TPPP: variants seen among roughly 807,000 people sequenced by gnomAD.
TPPP encodes tubulin polymerization promoting protein.
TPPP carries 6 observed loss-of-function variants against 15.5 expected under a neutral mutation model. The observed-to-expected ratio is 0.39, with a 90% CI of 0.21 to 0.77. TPPP has a LOEUF of 0.77. Ranked by LOEUF, TPPP falls within the 30% of genes least tolerant of loss-of-function variation. TPPP has a pLI of 0.42. For missense variants in TPPP, 269 were observed against 307.2 expected, an observed-to-expected ratio of 0.88 and a Z score of 0.93; for synonymous variants, 146 against 133.9, an observed-to-expected ratio of 1.09 and a Z score of -0.63.
chr5:682,917 C>T (rs149851820), intron 1 of TPPP, among the ~76,000 whole-genome samples: 1,696 of 152,224 alleles, frequency 0.011, 15 homozygotes, highest in South Asian at 0.039. Context: ...TGGGAGCTAC[C>T]ACCCCTCAGC....
rs1201662379 is a variant in TPPP at position 666,017 on chromosome 5, C to G, written c.418G>C (p.Val140Leu). 1.2e-6 allele frequency: 2 copies of G among 1,608,860 alleles called. No homozygotes were observed. The highest frequency in any genetic ancestry group is 1.3e-5 in the African/African-American group (1 of 74,198). Residue 140 changes from valine to leucine, a missense_variant, in exon 3 of 4, where the codon GTG (valine) becomes CTG (leucine). Val to Leu is a conservative substitution (Grantham distance 32, BLOSUM62 1). Transcript: ENST00000360578. ...GCCTTGCCCTCGATGAGCCTGTGCA[C>G]CTCGCGAACGGCCTCCTCGCTGCTC... ...DKSSEEAVREVHRLIEGKAPI... is the reference protein window; with the variant it reads ...DKSSEEAVRELHRLIEGKAPI...
chr5:685,719 T>G (rs1020944008), intron 1 of TPPP, among the ~76,000 whole-genome samples: 2 of 152,052 alleles, frequency 1.3e-5, no homozygotes, highest in African/African-American at 4.8e-5. Flanking sequence ...ATCTGCAGAG[T>G]GTGGTCCTTG....
intron 2 of TPPP, among the ~76,000 whole-genome samples, chr5:675,323 CGGGGGT>C (rs1740380668): frequency 5.1e-5 from 2 of 39,008 alleles, no homozygotes; most frequent in African/African-American, 1.1e-4. Flanking sequence ...ACAGTGTGGC[CGGGGGT>C]GCAGTGTGGC....
chr5:696,866 GTGTCTATT>G (rs1741021578), upstream of TPPP, among the ~76,000 whole-genome samples: 2 of 100,448 alleles, frequency 2.0e-5, no homozygotes, highest in African/African-American at 6.5e-5. Context: ...AGCTGTGTGT[GTGTCTATT>G]TGTGTGTCTC....
chr5:681,265 G>T (rs1740613335), intron 1 of TPPP, among the ~76,000 whole-genome samples: 1 of 152,308 alleles, frequency 6.6e-6, no homozygotes, highest in Middle Eastern at 3.4e-3. Flanking sequence ...CACCGTGAGG[G>T]AAAAGAAGGT....
upstream of TPPP, among the ~76,000 whole-genome samples, chr5:697,006 G>A (rs56056247): frequency 0.58 from 67,846 of 116,242 alleles, 16,316 homozygotes; most frequent in Non-Finnish European, 0.66. Context: ...GTGTGCCTGC[G>A]TGTGCCTGTG....
chr5:685,150 T>C (rs1271341664), intron 1 of TPPP, among the ~76,000 whole-genome samples: 2 of 152,096 alleles, frequency 1.3e-5, no homozygotes, highest in African/African-American at 2.4e-5. Context: ...TCATCACTCT[T>C]GAGAGTCACT....
At chr5:681,053 T>C (rs1283305696) in intron 1 of TPPP, among the ~76,000 whole-genome samples, 3 of 152,120 alleles carry the variant, frequency 2.0e-5, no homozygotes, top group Admixed American at 6.5e-5. Context: ...TGAGAGAACA[T>C]GGAGGTGTCA....
At chr5:679,390 G>T (rs1249547849) in intron 1 of TPPP, among the ~76,000 whole-genome samples, 6 of 119,150 alleles carry the variant, frequency 5.0e-5, no homozygotes, top group Non-Finnish European at 9.2e-5. Context: ...TGGGGGCTGG[G>T]CCGCGTGGGG....
intron 2 of TPPP, among the ~76,000 whole-genome samples, chr5:674,704 G>A (rs1002504951): frequency 2.0e-5 from 3 of 152,014 alleles, no homozygotes; most frequent in Admixed American, 1.3e-4. Flanking sequence ...CGCATGGCCC[G>A]CTGCTGCAGG....
intron 2 of TPPP, among the ~76,000 whole-genome samples, chr5:674,520 G>C (rs1321654098): frequency 6.6e-6 from 1 of 152,166 alleles, no homozygotes; most frequent in Non-Finnish European, 1.5e-5. Context: ...CCCCTTGGCA[G>C]AGTGAGTTCT....
chr5:685,269 A>C (rs1201256667), intron 1 of TPPP, among the ~76,000 whole-genome samples: 2 of 152,236 alleles, frequency 1.3e-5, no homozygotes, highest in Non-Finnish European at 2.9e-5. Flanking sequence ...CCTGCTCTCC[A>C]GGGACCCTGA....
Position 665,015 on chromosome 5 carries a change from C to T in TPPP, c.*87G>A, listed in dbSNP as rs1739834803. ...TGGGGCACCCGTCTGAGTTCTGCCC[C>T]AGTTAGTACAGGAATGTAATGAAGT... On this transcript the variant is annotated 3_prime_UTR_variant, in exon 4 of 4. Transcript: ENST00000360578. The T allele has an allele frequency of 6.8e-7, 1 of 1,475,536 alleles. No individual in the cohort carries two copies. Among genetic ancestry groups the T allele is most frequent in the Non-Finnish European group, 9.1e-7 (1 of 1,094,186 alleles). 91.4% of individuals were successfully genotyped at this position (1,475,536 alleles called of 1,614,324 possible).
rs1395256425 is a variant in TPPP at position 678,435 on chromosome 5, TC to T, written c.-4-372del. Among the ~76,000 whole-genome samples the T allele has an allele frequency of 3.5e-5, 5 of 143,076 alleles. No homozygotes were observed. The East Asian group carries it at 5.9e-4, about 17-fold the overall frequency. 93.9% of individuals were successfully genotyped at this position (143,076 alleles called of 152,430 possible). A position where few individuals can be genotyped will look rare whatever the true frequency, so the allele number is the denominator to read the frequency against. On this transcript the variant is annotated intron_variant, in intron 1 of 3. Coordinates refer to ENST00000360578, the MANE Select transcript of TPPP (RefSeq NM_007030.3). ...TGGCAGCATCAGAGCCTATTCCGGG[TC>T]CCCTCCCCGCCGCAGTTCCACTGTC...
chr5:668,337 C>T (rs1456220453), intron 2 of TPPP, among the ~76,000 whole-genome samples: 5 of 109,316 alleles, frequency 4.6e-5, no homozygotes, highest in East Asian at 2.4e-4. Context: ...GTGTGGGCGC[C>T]GTCAGGGAAG....
At chr5:669,723 G>A (rs1016167916) in intron 2 of TPPP, among the ~76,000 whole-genome samples, 12 of 152,138 alleles carry the variant, frequency 7.9e-5, no homozygotes, top group Middle Eastern at 3.4e-3. Flanking sequence ...CCTGCTCTGC[G>A]CGCTCCCCGA....
chr5:682,866 C>T (rs1374331125), intron 1 of TPPP, among the ~76,000 whole-genome samples: 1 of 152,212 alleles, frequency 6.6e-6, no homozygotes, highest in African/African-American at 2.4e-5. Context: ...ACATCATCAG[C>T]AGTGCTGGGT....
rs1325507976 is a variant in TPPP, at chr5:681,001, G to A, written c.-4-2937C>T. ...GTCTGGATCGCTTCATTAGACCCAC[G>A]TGCTGTTTCCACAATGACGGTAATA... is the stretch of plus-strand genomic sequence containing the variant. On this transcript the variant is annotated intron_variant, in intron 1 of 3. Coordinates refer to ENST00000360578, the MANE Select transcript of TPPP (RefSeq NM_007030.3). Among the ~76,000 whole-genome samples, 9 of 152,316 alleles carry A rather than the reference G, an allele frequency of 5.9e-5. No individual in the cohort carries two copies. The East Asian group carries it at 9.7e-4, about 16-fold the overall frequency.
chr5:673,964 T>C (rs756011451), intron 2 of TPPP, among the ~76,000 whole-genome samples: 11 of 152,222 alleles, frequency 7.2e-5, no homozygotes, highest in Non-Finnish European at 1.5e-4. Context: ...CATGCGGCCA[T>C]GTGCATGCAC....
Sources: allele counts gnomAD v4.1 joint callset (sites outside exome capture counted in the v4.1 genomes callset), GRCh38; gene constraint gnomAD v4.1.1; transcripts MANE v1.5; gene names NCBI Gene and HGNC (gene_info 2026-07-23, HGNC 2026-07-21).